COPG2: variants seen among roughly 807,000 people sequenced by gnomAD.
The protein encoded by COPG2 is coatomer subunit gamma-2.
A neutral mutation model predicts 46.3 loss-of-function variants in COPG2; 37 were observed. The observed-to-expected ratio is 0.80, with a 90% CI of 0.61 to 1.05. COPG2 has a LOEUF of 1.05. COPG2 is among the 50% of genes least tolerant of loss of function. The pLI, the probability that COPG2 is intolerant of heterozygous loss-of-function variation, is 0.00. For missense variants in COPG2, 427 were observed against 387.8 expected (o/e 1.10, Z -0.85); for synonymous variants, 159 against 129.7 (o/e 1.23, Z -1.53).
chr7:130,544,430 CACAT>C (rs1179359684), intron 20 of COPG2, among the ~76,000 whole-genome samples: 7 of 152,062 alleles, frequency 4.6e-5, no homozygotes, highest in African/African-American at 1.2e-4. Flanking sequence ...AAAATAAACT[CACAT>C]ACATGTACTG....
chr7:130,568,055 G>A (rs937123694), intron 9 of COPG2, among the ~76,000 whole-genome samples: 17 of 152,164 alleles, frequency 1.1e-4, no homozygotes, highest in Admixed American at 2.0e-4. Flanking sequence ...GAGGCAGGCA[G>A]ATCACGAGGT....
intron 20 of COPG2, among the ~76,000 whole-genome samples, chr7:130,538,946 G>A (rs1442102213): frequency 2.0e-5 from 3 of 152,088 alleles, no homozygotes; most frequent in South Asian, 2.1e-4. Context: ...TGGGAGATTA[G>A]GTCAGTAGTA....
At chr7:130,590,830 C>A (rs1490132195) in intron 9 of COPG2, among the ~76,000 whole-genome samples, 1 of 151,996 alleles carries the variant, frequency 6.6e-6, no homozygotes, top group Admixed American at 6.5e-5. Context: ...GCCCTGCCCC[C>A]CCGTCTGGGA....
intron 20 of COPG2, among the ~76,000 whole-genome samples, chr7:130,510,416 T>A (rs1264636796): frequency 2.0e-5 from 3 of 152,098 alleles, no homozygotes; most frequent in Admixed American, 2.0e-4. Flanking sequence ...GCATTTTTTT[T>A]AAACCATGAA....
At chr7:130,663,257 A>C (rs1796012734) in intron 3 of COPG2, among the ~76,000 whole-genome samples, 1 of 152,214 alleles carries the variant, frequency 6.6e-6, no homozygotes, top group South Asian at 2.1e-4. Context: ...TCAGTATCGC[A>C]TACCATGCTT....
At chr7:130,663,999 A>G (rs1554461111) in intron 3 of COPG2, among the ~76,000 whole-genome samples, 1 of 152,006 alleles carries the variant, frequency 6.6e-6, no homozygotes, top group East Asian at 1.9e-4. Flanking sequence ...TCGGCCTCCC[A>G]AAGTGCTGGG....
At chr7:130,559,197 A>C (rs964995870) in intron 12 of COPG2, among the ~76,000 whole-genome samples, 4,636 of 152,304 alleles carry the variant, frequency 0.03, 103 homozygotes, top group Non-Finnish European at 0.045. Context: ...AAATTAAGGA[A>C]ACAAAAGACT....
At chr7:130,663,560 G>A (rs1796018417) in intron 3 of COPG2, among the ~76,000 whole-genome samples, 1 of 151,886 alleles carries the variant, frequency 6.6e-6, no homozygotes, top group Non-Finnish European at 1.5e-5. Context: ...AAAAAACTAG[G>A]CTTAAGGGGC....
chr7:130,541,620 C>A (rs1392323836), intron 20 of COPG2, among the ~76,000 whole-genome samples: 2 of 151,960 alleles, frequency 1.3e-5, no homozygotes. Flanking sequence ...CAGATGTTCC[C>A]CAGAGTGTTT....
Position 130,506,644 on chromosome 7 carries a change from T to C in COPG2, c.*32A>G, listed in dbSNP as rs200949016. The C allele has an allele frequency of 3.3e-4, 254 of 770,268 alleles. No individual in the cohort carries two copies. In the East Asian group the frequency reaches 5.5e-3, roughly 17 times the overall value. The allele number at this position is 770,268 out of a possible 1,614,324, so 47.7% of individuals were successfully genotyped here. A position where few individuals can be genotyped will look rare whatever the true frequency, so the allele number is the denominator to read the frequency against. On this transcript the variant is annotated 3_prime_UTR_variant, in exon 24 of 24. Coordinates refer to ENST00000425248, the MANE Select transcript of COPG2 (RefSeq NM_012133.6). ...GCCTAAAAGCCCACTGACCATGTAG[T>C]GTGCATCAGTTTCCTCTTGTCCAGT...
At chr7:130,647,715 C>T (rs898868710) in intron 5 of COPG2, among the ~76,000 whole-genome samples, 7 of 149,516 alleles carry the variant, frequency 4.7e-5, no homozygotes, top group Non-Finnish European at 3.0e-5. Context: ...AGTGGGTATG[C>T]TGTACCTCAT....
chr7:130,526,516 A>G (rs958973716), intron 20 of COPG2, among the ~76,000 whole-genome samples: 1 of 152,042 alleles, frequency 6.6e-6, no homozygotes, highest in Non-Finnish European at 1.5e-5. Context: ...AGTCACCTAC[A>G]GAAGACAGGG....
At chr7:130,631,455 G>T (rs1257260769) in intron 5 of COPG2, among the ~76,000 whole-genome samples, 1 of 152,026 alleles carries the variant, frequency 6.6e-6, no homozygotes, top group South Asian at 2.1e-4. Flanking sequence ...ACTGCACCTG[G>T]CCTGAATTTT....
intron 5 of COPG2, among the ~76,000 whole-genome samples, chr7:130,635,261 T>C (rs1411953816): frequency 2.0e-5 from 3 of 152,044 alleles, no homozygotes; most frequent in African/African-American, 7.2e-5. Flanking sequence ...TTTTCTATTG[T>C]TTGGAGCAGT....
intron 9 of COPG2, among the ~76,000 whole-genome samples, chr7:130,582,413 T>A (rs1437889110): frequency 6.0e-5 from 9 of 150,350 alleles, no homozygotes; most frequent in African/African-American, 1.5e-4. Context: ...AACCTAGGCA[T>A]TACCATTCAG....
chr7:130,659,913 C>T (rs782192236), intron 4 of COPG2, among the ~76,000 whole-genome samples: 4 of 152,092 alleles, frequency 2.6e-5, no homozygotes, highest in Non-Finnish European at 4.4e-5. Flanking sequence ...ACAACAACAA[C>T]AACATTGCAA....
intron 18 of COPG2, among the ~76,000 whole-genome samples, chr7:130,548,905 G>A (rs1330044643): frequency 3.9e-4 from 59 of 151,426 alleles, no homozygotes; most frequent in Middle Eastern, 6.8e-3. Context: ...GTGACAGAGC[G>A]AGACTCTGTC....
chr7:130,571,401 T>C (rs1793896253), intron 9 of COPG2, among the ~76,000 whole-genome samples: 1 of 152,004 alleles, frequency 6.6e-6, no homozygotes, highest in Admixed American at 6.6e-5. Context: ...GAATAGACAA[T>C]TCTCAAAAGA....
At chr7:130,518,500 G>A (rs983566844) in intron 20 of COPG2, among the ~76,000 whole-genome samples, 7 of 152,032 alleles carry the variant, frequency 4.6e-5, no homozygotes, top group African/African-American at 1.7e-4. Flanking sequence ...TGGCATTGAG[G>A]GAGTATACCT....
Sources: allele counts gnomAD v4.1 joint callset (sites outside exome capture counted in the v4.1 genomes callset), GRCh38; gene constraint gnomAD v4.1.1; transcripts MANE v1.5; gene names NCBI Gene and HGNC (gene_info 2026-07-23, HGNC 2026-07-21).